RXRA: variants seen among roughly 807,000 people sequenced by gnomAD.
The protein encoded by RXRA is retinoid X receptor alpha.
Under a neutral mutation model 44.5 loss-of-function variants are expected in RXRA, and 5 were observed. The ratio of observed to expected loss-of-function variants is 0.11; its 90% CI spans 0.06 to 0.24. RXRA has a LOEUF of 0.24. Ranked by LOEUF, RXRA falls within the 10% of genes least tolerant of loss-of-function variation. The pLI, the probability that RXRA is intolerant of heterozygous loss-of-function variation, is 1.00. For missense variants in RXRA, 412 were observed against 646.5 expected (o/e 0.64, Z 3.93); for synonymous variants, 291 against 271.4 (o/e 1.07, Z -0.71).
At chr9:134,339,707 G>A (rs1387283445) in intron 1 of RXRA, among the ~76,000 whole-genome samples, 1 of 150,920 alleles carries the variant, frequency 6.6e-6, no homozygotes, top group Non-Finnish European at 1.5e-5. Context: ...GTGTGTGCCT[G>A]TGTGTGTTTG....
chr9:134,423,898 G>A (rs1323040814), intron 6 of RXRA: 4 of 459,032 alleles, frequency 8.7e-6, no homozygotes, highest in Non-Finnish European at 1.1e-5. Flanking sequence ...CCACCAGACC[G>A]ATCCAGAGAA....
intron 6 of RXRA, chr9:134,424,289 C>T: frequency 4.1e-6 from 4 of 985,372 alleles, no homozygotes; most frequent in South Asian, 9.4e-5. Flanking sequence ...TCTAGGATGC[C>T]TGGAAAGCCA....
intron 1 of RXRA, among the ~76,000 whole-genome samples, chr9:134,337,564 G>T (rs369388665): frequency 2.0e-5 from 3 of 152,202 alleles, no homozygotes; most frequent in Non-Finnish European, 4.4e-5. Flanking sequence ...GTGTGTGAGC[G>T]TGGTGGTGGG....
intron 1 of RXRA, among the ~76,000 whole-genome samples, chr9:134,367,040 C>T (rs984646202): frequency 6.6e-6 from 1 of 152,162 alleles, no homozygotes; most frequent in African/African-American, 2.4e-5. Context: ...GGTTGAGATA[C>T]GGGTCACCTC....
chr9:134,362,288 C>G (rs996184501), intron 1 of RXRA, among the ~76,000 whole-genome samples: 2 of 152,204 alleles, frequency 1.3e-5, no homozygotes, highest in African/African-American at 4.8e-5. Flanking sequence ...CCTGAACCCC[C>G]TCCCTGCCTG....
chr9:134,410,148 G>A (rs1397196347), intron 4 of RXRA, among the ~76,000 whole-genome samples: 3 of 152,246 alleles, frequency 2.0e-5, no homozygotes, highest in African/African-American at 7.2e-5. Flanking sequence ...TCTGCCAGGC[G>A]CCGTGCTCCT....
In RXRA at chr9:134,426,482, G is replaced by A. The variant is rs1371733569; in HGVS notation, c.911-2626G>A. ...TGGAGGGACAGGGGACAGGGGAGCT[G>A]AGATGCAGCCGGCGTGCCGGAGGGT... On this transcript the variant is annotated intron_variant, in intron 6 of 9. Coordinates refer to ENST00000481739, the MANE Select transcript of RXRA (RefSeq NM_002957.6). This position sits in a 1 kb window ranked among gnomAD's most constrained non-coding sequence, Gnocchi z 4.6. 1.0e-6 allele frequency: 1 copy of A among 985,364 alleles called. No individual in the cohort carries two copies. Among genetic ancestry groups the A allele is most frequent in the Non-Finnish European group, 1.2e-6 (1 of 829,938 alleles). The allele number at this position is 985,364 out of a possible 1,614,324, so 61.0% of individuals were successfully genotyped here. A position where few individuals can be genotyped will look rare whatever the true frequency, so the allele number is the denominator to read the frequency against.
Position 134,436,587 on chromosome 9 carries a change from G to A in RXRA, c.1362G>A (p.Met454Ile), listed in dbSNP as rs1390461687. ...DTPIDTFLME[M>I]LEAPHQMT ...CCATTGACACCTTCCTTATGGAGAT[G>A]CTGGAGGCGCCGCACCAAATGACTT... Residue 454 changes from methionine to isoleucine, a missense_variant, in exon 10 of 10, where the codon ATG (methionine) becomes ATA (isoleucine). Physicochemically the swap from Met to Ile is conservative, Grantham distance 10. Around this residue, in one of 4 missense-constraint regions of RXRA, gnomAD observed 141 missense variants for 270.8 expected, o/e 0.52. Coordinates refer to ENST00000481739, the MANE Select transcript of RXRA (RefSeq NM_002957.6). The A allele has an allele frequency of 1.9e-6, 3 of 1,613,984 alleles. No individual in the cohort carries two copies. Among genetic ancestry groups the A allele is most frequent in the South Asian group, 1.1e-5 (1 of 91,096 alleles).
At chr9:134,356,531 C>G (rs1368531718) in intron 1 of RXRA, among the ~76,000 whole-genome samples, 1 of 152,168 alleles carries the variant, frequency 6.6e-6, no homozygotes, top group Non-Finnish European at 1.5e-5. Context: ...GGAGGCCCTT[C>G]CTGCTGACAC....
chr9:134,359,718 C>T (rs1043375463), intron 1 of RXRA, among the ~76,000 whole-genome samples: 9 of 152,214 alleles, frequency 5.9e-5, no homozygotes, highest in African/African-American at 2.2e-4. Context: ...GCCCTGGAGC[C>T]ACGTGTGGCC....
intron 8 of RXRA, 29 bp from the exon 9 acceptor site, chr9:134,434,073 G>A: frequency 6.4e-7 from 1 of 1,569,206 alleles, no homozygotes; most frequent in South Asian, 1.1e-5. Context: ...CCCAGCTGAG[G>A]GTTCTGACCT....
chr9:134,431,774 G>T (rs1357256188), intron 7 of RXRA, 131 bp from the exon 8 acceptor site: 4 of 641,170 alleles, frequency 6.2e-6, no homozygotes, highest in Non-Finnish European at 8.2e-6. Context: ...GGGAGTCCTT[G>T]CCTTGGCTTG....
At chr9:134,393,000 T>C (rs1830822637) in intron 1 of RXRA, among the ~76,000 whole-genome samples, 1 of 149,916 alleles carries the variant, frequency 6.7e-6, no homozygotes, top group Non-Finnish European at 1.5e-5. Context: ...GGGCCAGTTC[T>C]GCAGGTGGTT....
intron 6 of RXRA, chr9:134,424,470 G>T: frequency 1.0e-6 from 1 of 985,438 alleles, no homozygotes; most frequent in Admixed American, 6.1e-5. Context: ...CATGCTTCTG[G>T]CTTCGAGGGC....
At chr9:134,330,543 C>T (rs1469605125) in intron 1 of RXRA, among the ~76,000 whole-genome samples, 2 of 152,196 alleles carry the variant, frequency 1.3e-5, no homozygotes, top group Non-Finnish European at 2.9e-5. Context: ...CTCCTCCCCC[C>T]TGCACCTTGC....
In RXRA at chr9:134,417,339, C is replaced by G; in HGVS notation, c.780+12C>G. On this transcript the variant is annotated intron_variant, in intron 5 of 9. Coordinates refer to ENST00000481739, the MANE Select transcript of RXRA (RefSeq NM_002957.6). This position sits in a 1 kb window ranked among gnomAD's most constrained non-coding sequence, Gnocchi z 6.1. ...TGAACCCCAGCTCGGTGAGTTGCAG[C>G]CTGTGCAGGGGTGGGCAGCCTCACA... 1.9e-6 allele frequency: 3 copies of G among 1,612,468 alleles called. No individual in the cohort carries two copies. The highest frequency in any genetic ancestry group is 2.5e-6 in the Non-Finnish European group (3 of 1,179,310).
chr9:134,330,649 C>T (rs1834989576), intron 1 of RXRA, among the ~76,000 whole-genome samples: 1 of 152,194 alleles, frequency 6.6e-6, no homozygotes, highest in Non-Finnish European at 1.5e-5. Context: ...CCTTTGTTAC[C>T]TGCAGGATGG....
At position 134,417,100 on chromosome 9, in the gene RXRA, C is replaced by T; in HGVS notation, c.611-58C>T. ...GGCACCACCCGGCCAGGACAGCCTT[C>T]CCTGGGAGCCACTGGCCGGGCTGAG... is the stretch of plus-strand genomic sequence containing the variant. On this transcript the variant is annotated intron_variant, in intron 4 of 9. Transcript: ENST00000481739. This position sits in a 1 kb window ranked among gnomAD's most constrained non-coding sequence, Gnocchi z 6.1. 6.5e-7 allele frequency: 1 copy of T among 1,549,562 alleles called. No individual in the cohort carries two copies. The highest frequency in any genetic ancestry group is 8.7e-7 in the Non-Finnish European group (1 of 1,148,804).
chr9:134,357,167 C>T (rs570975384), intron 1 of RXRA, among the ~76,000 whole-genome samples: 88 of 151,824 alleles, frequency 5.8e-4, no homozygotes, highest in African/African-American at 2.0e-3. Context: ...TTGAGAAATT[C>T]GATGGAGCAG....
Sources: gnomAD v4.1 joint callset for allele counts (sites outside exome capture counted in the v4.1 genomes callset) on GRCh38, gnomAD v4.1.1 for gene constraint, gnomAD v4.1.1 regional missense constraint, Gnocchi (gnomAD v3.1) non-coding constraint, MANE v1.5 for transcripts, NCBI Gene and HGNC (gene_info 2026-07-23, HGNC 2026-07-21) for gene names.